MARCHF1: variants seen among roughly 807,000 people sequenced by gnomAD.
MARCHF1 encodes E3 ubiquitin-protein ligase MARCHF1.
In MARCHF1, 40 loss-of-function variants were observed where a neutral mutation model predicts 54.2. That is an observed-to-expected ratio of 0.74 (90% CI 0.57 to 0.96). The LOEUF (loss-of-function observed/expected upper bound fraction) is 0.96, where lower values mean the gene tolerates loss of function less well. MARCHF1 is among the 40% of genes least tolerant of loss of function. The pLI is 0.00. For missense variants in MARCHF1, 586 were observed against 656.5 expected (o/e 0.89, Z 1.17); for synonymous variants, 236 against 236.3 (o/e 1.00, Z 0.01).
chr4:163,879,802 G>GGTGTGT (rs1321712467), intron 3 of MARCHF1, among the ~76,000 whole-genome samples: 1 of 64,528 alleles, frequency 1.5e-5, no homozygotes, highest in South Asian at 6.4e-4. Flanking sequence ...AGGATTTAGA[G>GGTGTGT]GCGTGTGTGT....
rs139891061 is a variant in MARCHF1 at position 164,176,897 on chromosome 4, T to G, written c.-322-65235A>C. Among the ~76,000 whole-genome samples the G allele has an allele frequency of 8.7e-5, 13 of 148,620 alleles. No homozygotes were observed. The East Asian group carries it at 2.5e-3, about 29-fold the overall frequency. On this transcript the variant is annotated intron_variant, in intron 1 of 9. Coordinates refer to ENST00000514618, the MANE Select transcript of MARCHF1 (RefSeq NM_001394959.1). ...ATTTTATTCTTAGATTTTTCTTGAT[T>G]TTTTTCTTAAATTCAATTTGTTATT...
intron 3 of MARCHF1, among the ~76,000 whole-genome samples, chr4:163,939,491 G>T (rs1209052695): frequency 1.3e-5 from 2 of 152,052 alleles, no homozygotes; most frequent in African/African-American, 2.4e-5. Context: ...TGTAGTGGGT[G>T]GTCTGTGATA....
intron 4 of MARCHF1, among the ~76,000 whole-genome samples, chr4:163,737,172 T>C (rs1406159675): frequency 4.1e-5 from 3 of 73,238 alleles, no homozygotes; most frequent in African/African-American, 9.5e-5. Context: ...TTCTTTTTTT[T>C]TTTTTTTTTT....
intron 4 of MARCHF1, among the ~76,000 whole-genome samples, chr4:163,744,722 A>G (rs1312234133): frequency 6.6e-6 from 1 of 152,210 alleles, no homozygotes; most frequent in Non-Finnish European, 1.5e-5. Context: ...TGTAAAACAA[A>G]TAATTATCCT....
intron 2 of MARCHF1, among the ~76,000 whole-genome samples, chr4:164,044,277 T>C (rs1754192966): frequency 6.6e-6 from 1 of 152,128 alleles, no homozygotes; most frequent in Admixed American, 6.6e-5. Flanking sequence ...ATTATAAAAA[T>C]GGGTTTGACT....
intron 3 of MARCHF1, among the ~76,000 whole-genome samples, chr4:163,889,993 C>T (rs539101858): frequency 5.1e-4 from 66 of 130,112 alleles, no homozygotes; most frequent in East Asian, 1.8e-3. Context: ...GGCACTGTTT[C>T]GGCTCACTGC....
intron 1 of MARCHF1, among the ~76,000 whole-genome samples, chr4:164,284,889 C>A (rs951413268): frequency 2.6e-5 from 4 of 151,104 alleles, no homozygotes; most frequent in South Asian, 4.2e-4. Context: ...GAGCTTTTTA[C>A]TTCCAAAGAA....
intron 2 of MARCHF1, among the ~76,000 whole-genome samples, chr4:164,057,507 A>G (rs1427238399): frequency 2.0e-5 from 3 of 152,204 alleles, no homozygotes; most frequent in Non-Finnish European, 1.5e-5. Context: ...ATAAGAATAT[A>G]TGTTTTGTGG....
Position 164,194,372 on chromosome 4 carries a change from T to A in MARCHF1, c.-322-82710A>T, listed in dbSNP as rs572401890. ...TGCAGGTGGGAAAGGCATGATGACT[T>A]CACTGGGAGCATAATGTGAGAACCA... On this transcript the variant is annotated intron_variant, in intron 1 of 9. Coordinates refer to ENST00000514618, the MANE Select transcript of MARCHF1 (RefSeq NM_001394959.1). 5.3e-5 allele frequency among the ~76,000 whole-genome samples: 8 copies of A among 152,290 alleles called. No individual in the cohort carries two copies. The East Asian group carries it at 1.5e-3, about 29-fold the overall frequency.
intron 4 of MARCHF1, among the ~76,000 whole-genome samples, chr4:163,817,352 CAT>C (rs931544927): frequency 2.5e-4 from 37 of 149,298 alleles, no homozygotes; most frequent in African/African-American, 4.6e-4. Flanking sequence ...TACATATACA[CAT>C]ATACATACAT....
chr4:163,578,167 T>TTG (rs1740101256), intron 8 of MARCHF1, among the ~76,000 whole-genome samples: 1 of 152,002 alleles, frequency 6.6e-6, no homozygotes, highest in Non-Finnish European at 1.5e-5. Flanking sequence ...AAGCTCCATT[T>TTG]TGTGTATTCT....
intron 1 of MARCHF1, among the ~76,000 whole-genome samples, chr4:164,233,241 C>CAAAA (rs150148007): frequency 4.1e-5 from 6 of 147,890 alleles, no homozygotes; most frequent in African/African-American, 1.5e-4. Flanking sequence ...CTGTTTATTT[C>CAAAA]AAAAAAAAAA....
At chr4:164,310,215 T>A (rs1334011936) in intron 1 of MARCHF1, among the ~76,000 whole-genome samples, 1 of 151,986 alleles carries the variant, frequency 6.6e-6, no homozygotes, top group East Asian at 1.9e-4. Flanking sequence ...GTAGCTGGGA[T>A]CACAGGTGCG....
At chr4:163,993,120 A>T (rs889516036) in intron 2 of MARCHF1, among the ~76,000 whole-genome samples, 1 of 152,160 alleles carries the variant, frequency 6.6e-6, no homozygotes, top group South Asian at 2.1e-4. Context: ...ATTATGAAGC[A>T]TACACTTATG....
chr4:163,761,306 G>A (rs1404116688), intron 4 of MARCHF1, among the ~76,000 whole-genome samples: 1 of 152,106 alleles, frequency 6.6e-6, no homozygotes, highest in African/African-American at 2.4e-5. Flanking sequence ...AAGTCTGCAG[G>A]GCAGAAAGCA....
intron 1 of MARCHF1, among the ~76,000 whole-genome samples, chr4:164,306,800 AGAC>A (rs1734708273): frequency 6.6e-6 from 1 of 152,340 alleles, no homozygotes; most frequent in Admixed American, 6.5e-5. Flanking sequence ...TAAATCAAAA[AGAC>A]GATATAAATT....
chr4:163,941,324 G>T (rs1299224020), intron 3 of MARCHF1, among the ~76,000 whole-genome samples: 1 of 152,052 alleles, frequency 6.6e-6, no homozygotes, highest in Non-Finnish European at 1.5e-5. Flanking sequence ...GCTAGGCACT[G>T]AACGGAGTCA....
chr4:163,630,513 A>G (rs912037968), intron 5 of MARCHF1, among the ~76,000 whole-genome samples: 1 of 152,214 alleles, frequency 6.6e-6, no homozygotes, highest in Non-Finnish European at 1.5e-5. Flanking sequence ...CAGAGTTTTA[A>G]TCAAAACTCA....
At chr4:164,328,892 G>T (rs1013056078) in intron 1 of MARCHF1, among the ~76,000 whole-genome samples, 1 of 152,010 alleles carries the variant, frequency 6.6e-6, no homozygotes. Context: ...AAAATGGGTG[G>T]AGGCATACTA....
Sources: allele counts gnomAD v4.1 joint callset (sites outside exome capture counted in the v4.1 genomes callset), GRCh38; gene constraint gnomAD v4.1.1; transcripts MANE v1.5; gene names NCBI Gene and HGNC (gene_info 2026-07-23, HGNC 2026-07-21).